POLD1: variants seen among roughly 807,000 people sequenced by gnomAD.
The protein encoded by POLD1 is DNA polymerase delta catalytic subunit.
POLD1 carries 79 observed loss-of-function variants against 129.7 expected under a neutral mutation model. The observed-to-expected ratio is 0.61, with a 90% CI of 0.51 to 0.73. The LOEUF (loss-of-function observed/expected upper bound fraction) is 0.73, where lower values mean the gene tolerates loss of function less well. Among genes scored for constraint, POLD1 ranks in the 30% least tolerant of loss-of-function variants. The pLI, the probability that POLD1 is intolerant of heterozygous loss-of-function variation, is 0.00. For missense variants in POLD1, 1,338 were observed against 1,595.8 expected (o/e 0.84, Z 2.75); for synonymous variants, 714 against 683.3 (o/e 1.04, Z -0.70).
chr19:50,401,391 A>ATTTTTTTTTTTTTTTT lies in POLD1; in HGVS notation c.317-378_317-363dup, dbSNP rs1203165864. Among the ~76,000 whole-genome samples, 3 of 65,990 alleles carry ATTTTTTTTTTTTTTTT rather than the reference A, an allele frequency of 4.5e-5. 1 individual carries two copies. Among genetic ancestry groups the ATTTTTTTTTTTTTTTT allele is most frequent in the Non-Finnish European group, 7.7e-5 (3 of 39,014 alleles). 43.3% of individuals were successfully genotyped at this position (65,990 alleles called of 152,430 possible). On this transcript the variant is annotated intron_variant, in intron 3 of 26. Transcript: ENST00000440232. The stretch of plus-strand genomic sequence containing the variant: ...TGTATATATATATATATATATATAT[A>ATTTTTTTTTTTTTTTT]TTTTTTTTTTTTTTTTTTTTTTTTC...
intron 23 of POLD1, 36 bp downstream of exon 23, chr19:50,416,564 G>A (rs765828035): frequency 6.5e-7 from 1 of 1,547,512 alleles, no homozygotes; most frequent in Non-Finnish European, 8.7e-7. Context: ...GCACCCTGGG[G>A]GGGCAGAGGA....
chr19:50,398,990 G>T lies in POLD1; in HGVS notation c.139G>T (p.Glu47Ter). 6.4e-7 allele frequency: 1 copy of T among 1,569,820 alleles called. No individual in the cohort carries two copies. Among genetic ancestry groups the T allele is most frequent in the African/African-American group, 1.3e-5 (1 of 74,332 alleles). ...GGCACTGATGGAGGAGATGGAGGCA[G>T]AACACAGGCTGCAGGAGCAGGAGGA... is the stretch of plus-strand genomic sequence containing the variant. ...DLALMEEMEAEHRLQEQEEEE... is the reference protein window; with the variant it reads ...DLALMEEMEA The change falls in exon 2 of 27, where the codon GAA becomes TAA. Residue 47 changes from glutamate (E) to a stop codon, truncating the protein, a stop_gained. Coordinates refer to ENST00000440232, the MANE Select transcript of POLD1 (RefSeq NM_002691.4). LOFTEE classifies it high-confidence loss of function.
At chr19:50,407,254 A>G in intron 13 of POLD1, 73 bp from the exon 14 acceptor site, 7 of 1,543,758 alleles carry the variant, frequency 4.5e-6, no homozygotes, top group Non-Finnish European at 6.2e-6. Context: ...TCCTGGATGC[A>G]CTTTTTCTCC....
At chr19:50,408,728 G>C in intron 14 of POLD1, 57 bp from the exon 15 acceptor site, 1 of 1,598,302 alleles carries the variant, frequency 6.3e-7, no homozygotes, top group Non-Finnish European at 8.5e-7. Flanking sequence ...AAGACAGGGC[G>C]GGGGCGGCAT....
chr19:50,415,317 C>G, intron 20 of POLD1, 121 bp from the exon 21 acceptor site: 6 of 998,812 alleles, frequency 6.0e-6, no homozygotes, highest in Non-Finnish European at 8.9e-6. Context: ...AGGAAGGGCC[C>G]CTCTCTGCCC....
intron 14 of POLD1, among the ~76,000 whole-genome samples, chr19:50,408,448 C>A (rs554023328): frequency 6.6e-6 from 1 of 152,178 alleles, no homozygotes; most frequent in South Asian, 2.1e-4. Flanking sequence ...AGTGCGGTGG[C>A]ATGATCTTGG....
chr19:50,398,518 C>T (rs139697722), intron 1 of POLD1, among the ~76,000 whole-genome samples: 1,536 of 128,240 alleles, frequency 0.012, 25 homozygotes, highest in African/African-American at 0.043. Context: ...TGCAGTGAGC[C>T]GAGATCATGC....
chr19:50,417,671 TCCC>T (rs3840923), intron 26 of POLD1, among the ~76,000 whole-genome samples, 168 bp from the exon 27 acceptor site: 28 of 110,522 alleles, frequency 2.5e-4, no homozygotes, highest in African/African-American at 1.0e-3. Flanking sequence ...TGTTATCGGC[TCCC>T]CCCCCCCACC....
chr19:50,415,072 C>A, intron 20 of POLD1, 82 bp downstream of exon 20: 3 of 1,289,224 alleles, frequency 2.3e-6, no homozygotes, highest in Non-Finnish European at 3.1e-6. Context: ...TAGGCCCCAG[C>A]CCCTCCTCCC....
chr19:50,387,264 C>G (rs1017044849), intron 1 of POLD1, among the ~76,000 whole-genome samples: 1 of 152,112 alleles, frequency 6.6e-6, no homozygotes, highest in African/African-American at 2.4e-5. Flanking sequence ...TTGCAGTGAG[C>G]AAGATCCTTT....
chr19:50,408,306 G>T (rs1423091100), intron 14 of POLD1, among the ~76,000 whole-genome samples: 1 of 152,148 alleles, frequency 6.6e-6, no homozygotes, highest in Non-Finnish European at 1.5e-5. Flanking sequence ...CTGCACTCCA[G>T]CCTGGGTGAC....
In POLD1 at chr19:50,406,148, G is replaced by A. The variant is rs3218764; in HGVS notation, c.1243-34G>A. 29,047 of 1,600,216 alleles carry A rather than the reference G, an allele frequency of 0.018. 3,112 individuals carry two copies. In the African/African-American group the frequency reaches 0.28, roughly 15 times the overall value. On this transcript the variant is annotated intron_variant, in intron 10 of 26. Transcript: ENST00000440232. This position sits in a 1 kb window ranked among gnomAD's most constrained non-coding sequence, Gnocchi z 5.5. ...CTTCAGGCTTATGTGACGGGGACCCGCAGCCTGCTGCACACCCTGCCTCTC... is the reference window on the plus strand; with the variant it reads ...CTTCAGGCTTATGTGACGGGGACCCACAGCCTGCTGCACACCCTGCCTCTC...
rs932614705 is a variant in POLD1 at position 50,409,929 on chromosome 19, G to A, written c.2154+263G>A. Among the ~76,000 whole-genome samples the A allele has an allele frequency of 3.3e-5, 5 of 152,240 alleles. No homozygotes were observed. The highest frequency in any genetic ancestry group is 1.2e-4 in the African/African-American group (5 of 41,464). ...AAAATGGATGAGAGCTCCTGTCCCT[G>A]TCATCTTGCAGCCCAGTGGGGACAC... is the stretch of plus-strand genomic sequence containing the variant. On this transcript the variant is annotated intron_variant, in intron 17 of 26. Coordinates refer to ENST00000440232, the MANE Select transcript of POLD1 (RefSeq NM_002691.4). The surrounding 1 kb of genome is among the most constrained non-coding windows in gnomAD (Gnocchi z 5.8).
Position 50,399,497 on chromosome 19 carries a change from G to C in POLD1, c.316+13G>C, listed in dbSNP as rs1013554447. 6 of 1,581,840 alleles carry C rather than the reference G, an allele frequency of 3.8e-6. No homozygotes were observed. Among genetic ancestry groups the C allele is most frequent in the African/African-American group, 1.3e-5 (1 of 74,272 alleles). ...GACCATTATGTGGGTGAGTTTAGGG[G>C]TTATGGGTGAGTGCTGGGGCCCTGC... is the stretch of plus-strand genomic sequence containing the variant. On this transcript the variant is annotated intron_variant, in intron 3 of 26. Coordinates refer to ENST00000440232, the MANE Select transcript of POLD1 (RefSeq NM_002691.4).
chr19:50,387,206 A>G (rs1380448424), intron 1 of POLD1, among the ~76,000 whole-genome samples: 1 of 152,128 alleles, frequency 6.6e-6, no homozygotes, highest in Non-Finnish European at 1.5e-5. Flanking sequence ...AATCCCAGCT[A>G]CCTGCGAGGC....
intron 3 of POLD1, among the ~76,000 whole-genome samples, chr19:50,401,381 ATATATATATATTTTTT>A (rs1295076592): frequency 1.0e-4 from 6 of 57,234 alleles, no homozygotes; most frequent in African/African-American, 1.6e-4. Context: ...ATATATATAT[ATATATATATATTTTTT>A]TTTTTTTTTT....
Position 50,414,875 on chromosome 19 carries a change from C to G in POLD1, c.2449C>G (p.Arg817Gly), listed in dbSNP as rs148176230. ...KRYAGLLFSSRPDAHDRMDCK... is the reference protein window; with the variant it reads ...KRYAGLLFSSGPDAHDRMDCK... ...CTACGCGGGCCTGCTCTTCTCCTCC[C>G]GGCCCGACGCCCACGACCGCATGGA... Residue 817 changes from arginine to glycine, a missense_variant, in exon 20 of 27, where the codon CGG (arginine) becomes GGG (glycine). Physicochemically the swap from Arg to Gly is moderately radical, Grantham distance 125 (BLOSUM62 -2). Around this residue, in one of 3 missense-constraint regions of POLD1, gnomAD observed 720 missense variants for 1,002.6 expected, o/e 0.72. Coordinates refer to ENST00000440232, the MANE Select transcript of POLD1 (RefSeq NM_002691.4). The G allele has an allele frequency of 1.2e-6, 2 of 1,607,266 alleles. No homozygotes were observed. The highest frequency in any genetic ancestry group is 2.2e-5 in the East Asian group (1 of 44,492).
Position 50,409,035 on chromosome 19 carries a change from T to C in POLD1, c.1893-87T>C. 7.6e-7 allele frequency: 1 copy of C among 1,323,382 alleles called. No individual in the cohort carries two copies. Among genetic ancestry groups the C allele is most frequent in the Non-Finnish European group, 1.1e-6 (1 of 926,692 alleles). 82.0% of individuals were successfully genotyped at this position (1,323,382 alleles called of 1,614,324 possible). A position where few individuals can be genotyped will look rare whatever the true frequency, so the allele number is the denominator to read the frequency against. ...GAGGGGTGCTTGAGGGGCCTGCGTG[T>C]GCTCATGGCCAAGGCCAGGACCGTA... On this transcript the variant is annotated intron_variant, in intron 15 of 26. Transcript: ENST00000440232. This position sits in a 1 kb window ranked among gnomAD's most constrained non-coding sequence, Gnocchi z 5.8.
intron 1 of POLD1, among the ~76,000 whole-genome samples, chr19:50,391,445 C>T (rs1413241177): frequency 1.9e-3 from 285 of 147,902 alleles, no homozygotes; most frequent in Middle Eastern, 3.4e-3. Flanking sequence ...TCTGCAATCC[C>T]GGCACCTCGG....
Sources: gnomAD v4.1 joint callset for allele counts (sites outside exome capture counted in the v4.1 genomes callset) on GRCh38, gnomAD v4.1.1 for gene constraint, gnomAD v4.1.1 regional missense constraint, Gnocchi (gnomAD v3.1) non-coding constraint, MANE v1.5 for transcripts, NCBI Gene and HGNC (gene_info 2026-07-23, HGNC 2026-07-21) for gene names.